The following HDGFL2 variants were observed in gnomAD, a reference collection of about 807,000 sequenced individuals.
The protein encoded by HDGFL2 is HDGF like 2, also known as hepatoma-derived growth factor-related protein 2.
In HDGFL2, 36 loss-of-function variants were observed where a neutral mutation model predicts 77.1. The observed-to-expected ratio is 0.47, with a 90% CI of 0.36 to 0.62. The LOEUF is 0.62. Among genes scored for constraint, HDGFL2 ranks in the 20% least tolerant of loss-of-function variants. The pLI is 0.00. For synonymous variants in HDGFL2, 463 were observed against 413.1 expected, an observed-to-expected ratio of 1.12 and a Z score of -1.46; for missense variants, 976 against 973.4, an observed-to-expected ratio of 1.00 and a Z score of -0.04.
chr19:4,493,461 C>T (rs1322694313), intron 6 of HDGFL2, among the ~76,000 whole-genome samples: 1 of 152,068 alleles, frequency 6.6e-6, no homozygotes, highest in African/African-American at 2.4e-5. Context: ...GTACCCGGTT[C>T]ACTGAGGAAG....
At chr19:4,472,453 G>GA (rs1192578529) in intron 1 of HDGFL2, 31 bp downstream of exon 1, 4 of 478,240 alleles carry the variant, frequency 8.4e-6, no homozygotes, top group Non-Finnish European at 1.0e-5. Flanking sequence ...GGGCCGGTGG[G>GA]GGGGGGGGGG....
At chr19:4,472,729 C>T (rs961374017) in intron 1 of HDGFL2, among the ~76,000 whole-genome samples, 2 of 138,236 alleles carry the variant, frequency 1.4e-5, no homozygotes, top group African/African-American at 2.8e-5. Context: ...GCCTGGGGGT[C>T]CTGGGCTGCA....
intron 3 of HDGFL2, among the ~76,000 whole-genome samples, chr19:4,482,534 C>A (rs1193415540): frequency 6.6e-6 from 1 of 152,114 alleles, no homozygotes; most frequent in Admixed American, 6.5e-5. Context: ...AGACAGGCAA[C>A]ACTTTGTTGC....
At chr19:4,482,605 C>T (rs781265667) in intron 3 of HDGFL2, among the ~76,000 whole-genome samples, 1 of 152,264 alleles carries the variant, frequency 6.6e-6, no homozygotes, top group East Asian at 1.9e-4. Flanking sequence ...CCCAATTTGC[C>T]GGGATTACAG....
intron 3 of HDGFL2, among the ~76,000 whole-genome samples, chr19:4,487,044 C>T (rs892343249): frequency 3.3e-5 from 5 of 151,882 alleles, no homozygotes; most frequent in African/African-American, 9.7e-5. Context: ...CGGCTCACTG[C>T]AACCTCTGCT....
intron 14 of HDGFL2, among the ~76,000 whole-genome samples, chr19:4,500,900 TTG>T (rs1319869533): frequency 2.0e-5 from 3 of 152,214 alleles, no homozygotes; most frequent in African/African-American, 7.2e-5. Context: ...GTGCCCGACC[TTG>T]TCTTCCTTTG....
Position 4,494,087 on chromosome 19 carries a change from C to T in HDGFL2, c.914+30C>T, listed in dbSNP as rs774238890. The T allele has an allele frequency of 3.0e-5, 46 of 1,553,112 alleles. No individual in the cohort carries two copies. In the South Asian group the frequency reaches 4.7e-4, roughly 16 times the overall value. ...GTGCTGGGGCTGGGGTCCCCTCTGG[C>T]GGCTCCTCCATCGGCTGAGGGGCAG... On this transcript the variant is annotated intron_variant, in intron 8 of 15. Coordinates refer to ENST00000616600, the MANE Select transcript of HDGFL2 (RefSeq NM_001001520.3).
chr19:4,481,023 A>AT lies in HDGFL2; in HGVS notation c.288+5455dup, dbSNP rs35117226. Among the ~76,000 whole-genome samples the AT allele has an allele frequency of 1.5e-3, 202 of 132,632 alleles. 2 individuals carry two copies. The highest frequency in any genetic ancestry group is 2.4e-3 in the African/African-American group (83 of 34,974). 87.0% of individuals were successfully genotyped at this position (132,632 alleles called of 152,430 possible). On this transcript the variant is annotated intron_variant, in intron 3 of 15. Coordinates refer to ENST00000616600, the MANE Select transcript of HDGFL2 (RefSeq NM_001001520.3). ...GGGCATCCACCACCAAACCCGGCTA[A>AT]TTTTTTTTTTTTTTTGAGACAAGAG...
intron 3 of HDGFL2, among the ~76,000 whole-genome samples, chr19:4,487,943 TA>T (rs71340907): frequency 0.28 from 39,239 of 142,546 alleles, 6,032 homozygotes; most frequent in East Asian, 0.55. Flanking sequence ...TTGAATGACT[TA>T]AAAAAAAAAA....
At chr19:4,500,100 G>C (rs1370864089) in intron 14 of HDGFL2, among the ~76,000 whole-genome samples, 1 of 152,098 alleles carries the variant, frequency 6.6e-6, no homozygotes, top group Non-Finnish European at 1.5e-5. Flanking sequence ...GAGGCCTCAG[G>C]TGCCCTTGCT....
intron 4 of HDGFL2, among the ~76,000 whole-genome samples, chr19:4,491,289 G>A (rs1363958114): frequency 1.2e-3 from 16 of 13,126 alleles, no homozygotes; most frequent in African/African-American, 3.3e-3. Flanking sequence ...CCCCCCCGGC[G>A]CAGCCCTGGT....
chr19:4,484,228 C>T (rs1217537199), intron 3 of HDGFL2, among the ~76,000 whole-genome samples: 6 of 151,756 alleles, frequency 4.0e-5, no homozygotes, highest in African/African-American at 7.3e-5. Flanking sequence ...GGACTACAGG[C>T]GCCTGCCACC....
chr19:4,501,758 C>T, intron 15 of HDGFL2, 153 bp from the exon 16 acceptor site: 1 of 578,088 alleles, frequency 1.7e-6, no homozygotes, highest in East Asian at 3.1e-5. Flanking sequence ...GTTGTGGTCT[C>T]TAGTGGCAGA....
chr19:4,488,584 G>C, intron 3 of HDGFL2, 92 bp from the exon 4 acceptor site: 2 of 1,139,402 alleles, frequency 1.8e-6, no homozygotes, highest in Non-Finnish European at 2.5e-6. Flanking sequence ...TCAGGATCCC[G>C]CATGTGGTTG....
In HDGFL2 at chr19:4,494,422, C is replaced by T. The variant is rs767630158; in HGVS notation, c.1171C>T (p.Arg391Trp). Reference sequence around the variant, plus strand: ...GAAGCGGGGACGCAAGGGCCGGGGCCGGGGTCCCCCGTCCTCCTCTGACTC... The same window carrying T: ...GAAGCGGGGACGCAAGGGCCGGGGCTGGGGTCCCCCGTCCTCCTCTGACTC... ...VKKRGRKGRG[R>W]GPPSSSDSEP... The change falls in exon 9 of 16, where the codon CGG (arginine) becomes TGG (tryptophan). Residue 391 changes from arginine to tryptophan, a missense_variant. This residue lies in a region of HDGFL2 where 567 missense variants were observed against 534.7 expected (regional missense o/e 1.06). Coordinates refer to ENST00000616600, the MANE Select transcript of HDGFL2 (RefSeq NM_001001520.3). 6 of 1,403,866 alleles carry T rather than the reference C, an allele frequency of 4.3e-6. No homozygotes were observed. Among genetic ancestry groups the T allele is most frequent in the South Asian group, 3.2e-5 (2 of 61,872 alleles). The allele number at this position is 1,403,866 out of a possible 1,614,324, so 87.0% of individuals were successfully genotyped here.
At position 4,488,590 on chromosome 19, in the gene HDGFL2, G is replaced by A. The variant is rs971347905; in HGVS notation, c.289-86G>A. ...GCCTGACATTCAGGATCCCGCATGT[G>A]GTTGCCGTCCTCTGGGTCATAGTCC... is the stretch of plus-strand genomic sequence containing the variant. On this transcript the variant is annotated intron_variant, in intron 3 of 15. Coordinates refer to ENST00000616600, the MANE Select transcript of HDGFL2 (RefSeq NM_001001520.3). 8 of 1,221,040 alleles carry A rather than the reference G, an allele frequency of 6.6e-6. No individual in the cohort carries two copies. The Admixed American group carries it at 1.1e-4, about 17-fold the overall frequency. 75.6% of individuals were successfully genotyped at this position (1,221,040 alleles called of 1,614,324 possible).
intron 11 of HDGFL2, 60 bp downstream of exon 11, chr19:4,498,091 C>T (rs1442809581): frequency 1.4e-5 from 20 of 1,459,060 alleles, no homozygotes; most frequent in Middle Eastern, 1.7e-4. Flanking sequence ...CGGGGACAGC[C>T]GTGGCGTGGC....
intron 3 of HDGFL2, among the ~76,000 whole-genome samples, chr19:4,483,414 C>T (rs1975273423): frequency 1.3e-5 from 2 of 152,188 alleles, no homozygotes. Context: ...GCCGAGGTTC[C>T]CTCCTGTGGT....
chr19:4,496,432 C>T (rs892959156), intron 10 of HDGFL2, 27 bp downstream of exon 10: 3 of 1,550,590 alleles, frequency 1.9e-6, no homozygotes, highest in East Asian at 2.3e-5. Context: ...CCCTCCACAC[C>T]CTGGGGGCCC....
Sources: gnomAD v4.1 joint callset for allele counts (sites outside exome capture counted in the v4.1 genomes callset) on GRCh38, gnomAD v4.1.1 for gene constraint, gnomAD v4.1.1 regional missense constraint, MANE v1.5 for transcripts, NCBI Gene and HGNC (gene_info 2026-07-23, HGNC 2026-07-21) for gene names.